The following CABIN1 variants were observed in gnomAD, a reference collection of about 807,000 sequenced individuals.
CABIN1 encodes the protein calcineurin binding protein 1.
Under a neutral mutation model 227.7 loss-of-function variants are expected in CABIN1, and 133 were observed. That is an observed-to-expected ratio of 0.58 (90% CI 0.51 to 0.67). The LOEUF is 0.67. CABIN1 is among the 30% of genes least tolerant of loss of function. CABIN1 has a pLI of 0.00. For missense variants in CABIN1, 2,408 were observed against 2,852.5 expected, an observed-to-expected ratio of 0.84 and a Z score of 3.55; for synonymous variants, 1,086 against 1,155.1, an observed-to-expected ratio of 0.94 and a Z score of 1.21.
intron 30 of CABIN1, among the ~76,000 whole-genome samples, chr22:24,165,087 T>TG (rs1444529691): frequency 1.3e-5 from 2 of 152,220 alleles, no homozygotes; most frequent in Non-Finnish European, 2.9e-5. Context: ...CAGATGTAGA[T>TG]GGGCCTGGCC....
chr22:24,083,926 C>T (rs2040974050), intron 20 of CABIN1, among the ~76,000 whole-genome samples: 1 of 152,172 alleles, frequency 6.6e-6, no homozygotes, highest in South Asian at 2.1e-4. Context: ...TCTAATGGCT[C>T]CTCAGTACTG....
chr22:24,036,132 A>G lies in CABIN1; in HGVS notation c.47A>G (p.Asp16Gly). 6.2e-7 allele frequency: 1 copy of G among 1,613,762 alleles called. No individual in the cohort carries two copies. ...AATGCCAGCTCCACCATTGAGGATG[A>G]TCATGAAGGAAGCTTTAAAAGTCAC... ...ALNASSTIED[D>G]HEGSFKSHKT... The change falls in exon 3 of 37, where the codon GAT becomes GGT. Residue 16 changes from aspartate to glycine, a missense_variant. Asp to Gly is a moderately conservative substitution (Grantham distance 94). Coordinates refer to ENST00000263119, the MANE Select transcript of CABIN1 (RefSeq NM_012295.4).
intron 20 of CABIN1, among the ~76,000 whole-genome samples, chr22:24,083,712 G>GT (rs1186459811): frequency 6.6e-6 from 1 of 152,176 alleles, no homozygotes; most frequent in Non-Finnish European, 1.5e-5. Flanking sequence ...GGAGTGCACT[G>GT]TGATTGCATC....
intron 27 of CABIN1, among the ~76,000 whole-genome samples, chr22:24,114,120 T>C (rs1396530354): frequency 6.6e-6 from 1 of 152,228 alleles, no homozygotes; most frequent in Non-Finnish European, 1.5e-5. Flanking sequence ...AGTCTTTGGA[T>C]CCTAAATGTC....
At chr22:24,013,481 G>GCCA (rs2146359214) in intron 1 of CABIN1, among the ~76,000 whole-genome samples, 1 of 152,286 alleles carries the variant, frequency 6.6e-6, no homozygotes, top group East Asian at 1.9e-4. Flanking sequence ...ATAGGCGTGA[G>GCCA]CCACCATGCC....
At chr22:24,153,434 A>G (rs1270421613) in intron 29 of CABIN1, among the ~76,000 whole-genome samples, 1 of 152,150 alleles carries the variant, frequency 6.6e-6, no homozygotes, top group Non-Finnish European at 1.5e-5. Context: ...TAGGGTGCTG[A>G]CAGTGCCAGT....
At chr22:24,164,052 C>T (rs1428108941) in intron 29 of CABIN1, among the ~76,000 whole-genome samples, 2 of 152,208 alleles carry the variant, frequency 1.3e-5, no homozygotes, top group Non-Finnish European at 2.9e-5. Context: ...AGCACCTGTG[C>T]AGGGAGGTGT....
chr22:24,121,118 G>A (rs1011880565), intron 28 of CABIN1, among the ~76,000 whole-genome samples: 1 of 152,262 alleles, frequency 6.6e-6, no homozygotes, highest in East Asian at 1.9e-4. Context: ...GGGCCTAGCT[G>A]TGAGGACTCA....
At chr22:24,140,475 G>C (rs1283640074) in intron 29 of CABIN1, among the ~76,000 whole-genome samples, 1 of 152,174 alleles carries the variant, frequency 6.6e-6, no homozygotes, top group Non-Finnish European at 1.5e-5. Context: ...GTTTGTGTCT[G>C]GGTGCCCAGA....
At chr22:24,095,803 C>G in intron 24 of CABIN1, 128 bp from the exon 25 acceptor site, 1 of 993,290 alleles carries the variant, frequency 1.0e-6, no homozygotes, top group Non-Finnish European at 1.6e-6. Context: ...TAAAAGCTAA[C>G]AAAAACAAGC....
intron 26 of CABIN1, among the ~76,000 whole-genome samples, chr22:24,107,562 C>T (rs903201420): frequency 6.6e-6 from 1 of 152,194 alleles, no homozygotes; most frequent in African/African-American, 2.4e-5. Flanking sequence ...GAGCAGAAGC[C>T]CCTGCACAGC....
At position 24,096,057 on chromosome 22, in the gene CABIN1, A is replaced by G. The variant is rs1238139168; in HGVS notation, c.3913A>G (p.Lys1305Glu). 4.3e-6 allele frequency: 7 copies of G among 1,614,134 alleles called. No homozygotes were observed. The highest frequency in any genetic ancestry group is 5.9e-6 in the Non-Finnish European group (7 of 1,180,000). ...AGGACCCTTTGCCAGGGGCGAGGAG[A>G]AGAACACACCCAAAGCTTCAGAAAA... is the stretch of plus-strand genomic sequence containing the variant. Reference protein sequence around the residue: ...AEGPFARGEEKNTPKASEKEK... With the variant: ...AEGPFARGEEENTPKASEKEK... Residue 1305 changes from lysine to glutamate, a missense_variant, in exon 25 of 37, where the codon AAG becomes GAG. Around this residue, in one of 3 missense-constraint regions of CABIN1, gnomAD observed 649 missense variants for 910.3 expected, o/e 0.71. Transcript: ENST00000263119.
At chr22:24,063,999 T>C in intron 14 of CABIN1, 36 bp from the exon 15 acceptor site, 3 of 1,613,548 alleles carry the variant, frequency 1.9e-6, no homozygotes, top group Non-Finnish European at 2.5e-6. Context: ...GTCAGTCTTC[T>C]GCTTTGGTTC....
intron 29 of CABIN1, chr22:24,156,018 G>A (rs1482205534): frequency 8.7e-6 from 5 of 573,776 alleles, no homozygotes; most frequent in Non-Finnish European, 1.5e-5. Context: ...GAGCCTCCGC[G>A]GCCATGGCCC....
At chr22:24,156,290 C>T (rs1231478794) in intron 29 of CABIN1, among the ~76,000 whole-genome samples, 1 of 152,126 alleles carries the variant, frequency 6.6e-6, no homozygotes, top group Non-Finnish European at 1.5e-5. Context: ...CCGGCGCCCC[C>T]GCGGAGGAAA....
At chr22:24,046,105 T>C (rs2037858812) in intron 6 of CABIN1, among the ~76,000 whole-genome samples, 2 of 152,122 alleles carry the variant, frequency 1.3e-5, no homozygotes, top group African/African-American at 2.4e-5. Context: ...TGTTGAACTT[T>C]CCCTAGGTAG....
chr22:24,076,812 T>C (rs1262763719), intron 19 of CABIN1, among the ~76,000 whole-genome samples: 1 of 152,182 alleles, frequency 6.6e-6, no homozygotes, highest in Non-Finnish European at 1.5e-5. Flanking sequence ...TCCCTGGGTT[T>C]ACTAGGGATA....
intron 29 of CABIN1, among the ~76,000 whole-genome samples, chr22:24,142,507 G>A (rs1461878833): frequency 6.6e-6 from 1 of 152,148 alleles, no homozygotes; most frequent in Non-Finnish European, 1.5e-5. Flanking sequence ...TGCAGGGCCA[G>A]ACCTGACATC....
intron 27 of CABIN1, among the ~76,000 whole-genome samples, chr22:24,116,990 A>G (rs962178243): frequency 2.0e-5 from 3 of 152,166 alleles, no homozygotes; most frequent in Non-Finnish European, 4.4e-5. Flanking sequence ...TCTCATCTTC[A>G]CGCAGCTAGG....
Sources: gnomAD v4.1 joint callset for allele counts (sites outside exome capture counted in the v4.1 genomes callset) on GRCh38, gnomAD v4.1.1 for gene constraint, gnomAD v4.1.1 regional missense constraint, MANE v1.5 for transcripts, NCBI Gene and HGNC (gene_info 2026-07-23, HGNC 2026-07-21) for gene names.